The following POLA1 variants were observed in gnomAD, a reference collection of about 807,000 sequenced individuals.
POLA1 encodes DNA polymerase alpha catalytic subunit.
A neutral mutation model predicts 124.0 loss-of-function variants in POLA1; 15 were observed. The ratio of observed to expected loss-of-function variants is 0.12; its 90% CI spans 0.08 to 0.19. POLA1 has a LOEUF of 0.19. POLA1 is among the 10% of genes least tolerant of loss of function. The pLI is 1.00. For missense variants in POLA1, 886 were observed against 1,103.4 expected, an observed-to-expected ratio of 0.80 and a Z score of 2.79; for synonymous variants, 408 against 389.4, an observed-to-expected ratio of 1.05 and a Z score of -0.56.
At position 24,985,137 on chromosome X, in the gene POLA1, T is replaced by A. The variant is rs778128900; in HGVS notation, c.4262-10668T>A. Among the ~76,000 whole-genome samples the A allele has an allele frequency of 5.3e-5, 6 of 112,234 alleles. No individual in the cohort carries two copies. In the South Asian group the frequency reaches 2.2e-3, roughly 42 times the overall value. On this transcript the variant is annotated intron_variant, in intron 36 of 36. Coordinates refer to ENST00000379068, the MANE Select transcript of POLA1 (RefSeq NM_001330360.2). ...TCTTCTGTTTAACTTATGGGACTGT[T>A]GTTAGGATGAAATAAGATATGTATT...
At chrX:24,819,148 A>G (rs1454525909) in intron 30 of POLA1, among the ~76,000 whole-genome samples, 2 of 112,111 alleles carry the variant, frequency 1.8e-5, no homozygotes, top group African/African-American at 6.5e-5. Flanking sequence ...TGAGTTGATC[A>G]TTTGTTAAAT....
At chrX:24,785,207 A>T (rs2045339401) in intron 26 of POLA1, among the ~76,000 whole-genome samples, 1 of 112,581 alleles carries the variant, frequency 8.9e-6, no homozygotes. Context: ...CCAGACTAAC[A>T]TCCAAAGACT....
chrX:24,801,924 G>GGTGGGTGTGTGTGTGTGTGTGT (rs1555994716), intron 26 of POLA1, among the ~76,000 whole-genome samples: 6 of 74,534 alleles, frequency 8.1e-5, no homozygotes, highest in African/African-American at 3.3e-4. Flanking sequence ...GAGGTGGGTG[G>GGTGGGTGTGTGTGTGTGTGTGT]GTGTGTGTGT....
At chrX:24,859,828 A>T (rs1415372291) in intron 34 of POLA1, among the ~76,000 whole-genome samples, 2 of 112,622 alleles carry the variant, frequency 1.8e-5, no homozygotes, top group African/African-American at 3.2e-5. Context: ...CCCAATTCTT[A>T]CTTTTTATTG....
At position 24,745,500 on chromosome X, in the gene POLA1, A is replaced by G; in HGVS notation, c.2649A>G (p.Thr883=). Residue 883 remains threonine (T), a synonymous_variant, in exon 24 of 37, where the codon ACA becomes ACG. Transcript: ENST00000379068. ...SIIQEFNICF[T]TVQRVASEAQ... ...TTCAGGAATTTAACATTTGTTTTACAACAGTACAAAGAGTTGCTTCAGAGG... is the reference window on the plus strand; with the variant it reads ...TTCAGGAATTTAACATTTGTTTTACGACAGTACAAAGAGTTGCTTCAGAGG... 1 of 1,162,210 alleles carries G rather than the reference A, an allele frequency of 8.6e-7. No individual in the cohort carries two copies. The highest frequency in any genetic ancestry group is 1.2e-6 in the Non-Finnish European group (1 of 852,020).
At chrX:24,776,380 A>C (rs1173208362) in intron 26 of POLA1, among the ~76,000 whole-genome samples, 1 of 111,265 alleles carries the variant, frequency 9.0e-6, no homozygotes, top group Non-Finnish European at 1.9e-5. Context: ...GATCTGATTT[A>C]TATAGCATTT....
chrX:24,996,261 G>A lies in POLA1; in HGVS notation c.*311G>A, dbSNP rs1311689404. 5 of 197,397 alleles carry A rather than the reference G, an allele frequency of 2.5e-5. No homozygotes were observed. The highest frequency in any genetic ancestry group is 4.6e-5 in the Non-Finnish European group (5 of 109,539). The allele number at this position is 197,397 out of a possible 1,213,427, so 16.3% of individuals were successfully genotyped here. ...AGGGAGGGAAATTGCTACTTGGATT[G>A]AGAGTAGCTGGAATGTAAGTGACCC... On this transcript the variant is annotated 3_prime_UTR_variant, in exon 37 of 37. Transcript: ENST00000379068.
intron 36 of POLA1, among the ~76,000 whole-genome samples, chrX:24,987,424 C>T (rs1230638881): frequency 5.4e-5 from 6 of 111,561 alleles, no homozygotes; most frequent in African/African-American, 2.0e-4. Context: ...AGCAATGGTC[C>T]ACTAATAAAC....
chrX:24,892,291 T>A, intron 35 of POLA1, among the ~76,000 whole-genome samples: 1 of 111,295 alleles, frequency 9.0e-6, no homozygotes, highest in Middle Eastern at 4.7e-3. Context: ...TTTTGATGCA[T>A]GTTTAAGTTA....
chrX:24,954,851 G>T (rs1434064081), intron 36 of POLA1, among the ~76,000 whole-genome samples: 1 of 111,682 alleles, frequency 9.0e-6, no homozygotes, highest in Admixed American at 9.5e-5. Flanking sequence ...TTTTAAGAGG[G>T]CAGGCTGGCC....
At chrX:24,844,475 T>TC (rs2046450706) in intron 34 of POLA1, among the ~76,000 whole-genome samples, 1 of 101,284 alleles carries the variant, frequency 9.9e-6, no homozygotes, top group African/African-American at 4.0e-5. Context: ...GCAACACATT[T>TC]CAAAAAAAAA....
chrX:24,875,511 G>A (rs764537299), intron 34 of POLA1, among the ~76,000 whole-genome samples: 96 of 112,049 alleles, frequency 8.6e-4, no homozygotes, highest in African/African-American at 2.3e-3. Context: ...CTGAGAAGGA[G>A]TTAATGTGTC....
At chrX:24,956,418 TTTATAGA>T (rs1467795208) in intron 36 of POLA1, among the ~76,000 whole-genome samples, 2 of 109,678 alleles carry the variant, frequency 1.8e-5, no homozygotes, top group African/African-American at 6.6e-5. Flanking sequence ...CAAAATAGAC[TTTATAGA>T]TTAGTGTAGG....
chrX:24,985,791 C>T (rs1389171087), intron 36 of POLA1, among the ~76,000 whole-genome samples: 3 of 111,995 alleles, frequency 2.7e-5, no homozygotes, highest in Non-Finnish European at 5.6e-5. Context: ...CCAAGCATTT[C>T]AGATAAGGGA....
chrX:24,830,269 A>G (rs1313236622), intron 32 of POLA1, among the ~76,000 whole-genome samples: 1 of 111,812 alleles, frequency 8.9e-6, no homozygotes, highest in Non-Finnish European at 1.9e-5. Flanking sequence ...CTATGGCTTC[A>G]CTTTGGAAAT....
chrX:24,756,512 G>A (rs1353464941), intron 26 of POLA1, among the ~76,000 whole-genome samples: 6 of 108,659 alleles, frequency 5.5e-5, no homozygotes, highest in Non-Finnish European at 7.6e-5. Context: ...GCACTGAGCC[G>A]AGACCGCATC....
intron 4 of POLA1, among the ~76,000 whole-genome samples, chrX:24,704,944 A>G (rs774427885): frequency 5.4e-5 from 6 of 111,935 alleles, no homozygotes; most frequent in Non-Finnish European, 9.4e-5. Flanking sequence ...CTGTACAATC[A>G]TTGGCAATTT....
intron 36 of POLA1, among the ~76,000 whole-genome samples, chrX:24,938,912 G>A (rs2047883199): frequency 8.9e-6 from 1 of 112,550 alleles, no homozygotes; most frequent in African/African-American, 3.2e-5. Context: ...CTTCAAGATA[G>A]CTAAGTTAGT....
chrX:24,947,340 T>C (rs1347724782), intron 36 of POLA1, among the ~76,000 whole-genome samples: 1 of 90,215 alleles, frequency 1.1e-5, no homozygotes, highest in Non-Finnish European at 2.1e-5. Context: ...CAATCACGGC[T>C]CACTGCAGCC....
Sources: allele counts gnomAD v4.1 joint callset (sites outside exome capture counted in the v4.1 genomes callset), GRCh38; gene constraint gnomAD v4.1.1; transcripts MANE v1.5; gene names NCBI Gene and HGNC (gene_info 2026-07-23, HGNC 2026-07-21).